Variants in RFTN1 observed in about 807,000 individuals in gnomAD.
RFTN1 encodes the protein raftlin.
Under a neutral mutation model 46.5 loss-of-function variants are expected in RFTN1, and 26 were observed. The ratio of observed to expected loss-of-function variants is 0.56; its 90% CI spans 0.41 to 0.78. RFTN1 has a LOEUF of 0.78. Ranked by LOEUF, RFTN1 falls within the 30% of genes least tolerant of loss-of-function variation. The pLI, the probability that RFTN1 is intolerant of heterozygous loss-of-function variation, is 0.00. For synonymous variants in RFTN1, 261 were observed against 284.2 expected (o/e 0.92, Z 0.82); for missense variants, 693 against 718.7 (o/e 0.96, Z 0.41).
intron 2 of RFTN1, among the ~76,000 whole-genome samples, chr3:16,441,299 TAAAAAAAAA>T (rs59877269): frequency 8.4e-5 from 4 of 47,554 alleles, no homozygotes; most frequent in Admixed American, 6.2e-4. Flanking sequence ...TTCCAAGAAC[TAAAAAAAAA>T]AAAAAAAAAA....
At position 16,439,616 on chromosome 3, in the gene RFTN1, C is replaced by G. The variant is rs559176337; in HGVS notation, c.146-5579G>C. ...ATATAACAATTGTTTTCAATGTTAA[C>G]TAAAAGAGTTCCCCCAAACCAGAGC... On this transcript the variant is annotated intron_variant, in intron 2 of 9. Coordinates refer to ENST00000334133, the MANE Select transcript of RFTN1 (RefSeq NM_015150.2). Among the ~76,000 whole-genome samples the G allele has an allele frequency of 2.7e-4, 41 of 152,270 alleles. No homozygotes were observed. The South Asian group carries it at 4.8e-3, about 18-fold the overall frequency.
chr3:16,324,326 T>C (rs527598261), intron 8 of RFTN1, among the ~76,000 whole-genome samples: 4 of 152,296 alleles, frequency 2.6e-5, no homozygotes, highest in African/African-American at 9.6e-5. Flanking sequence ...CTGTAAACTA[T>C]ACAAGGCATT....
Position 16,382,506 on chromosome 3 carries a change from C to T in RFTN1, c.442-4404G>A, listed in dbSNP as rs1338999861. ...GGTTCATCCCCGGCTGCCAGCTCTC[C>T]TCCACTCTACACTCCCCTTGGTGAC... On this transcript the variant is annotated intron_variant, in intron 4 of 9. Transcript: ENST00000334133. This position sits in a 1 kb window ranked among gnomAD's most constrained non-coding sequence, Gnocchi z 4.7. 1.3e-5 allele frequency among the ~76,000 whole-genome samples: 2 copies of T among 152,172 alleles called. No homozygotes were observed. Among genetic ancestry groups the T allele is most frequent in the Non-Finnish European group, 2.9e-5 (2 of 68,030 alleles).
chr3:16,410,814 A>G lies in RFTN1; in HGVS notation c.333-1331T>C, dbSNP rs201872141. On this transcript the variant is annotated intron_variant, in intron 3 of 9. Transcript: ENST00000334133. This position sits in a 1 kb window ranked among gnomAD's most constrained non-coding sequence, Gnocchi z 4.6. ...AAAACTGCACCCATTCAGGAGAGCC[A>G]GCAGCAAGTGGTCACCAGGAGGAAA... 9.2e-5 allele frequency among the ~76,000 whole-genome samples: 14 copies of G among 152,338 alleles called. No homozygotes were observed. The South Asian group carries it at 1.4e-3, about 16-fold the overall frequency.
In RFTN1 at chr3:16,320,406, C is replaced by T. The variant is rs187960306; in HGVS notation, c.1332+2970G>A. 1.6e-3 allele frequency among the ~76,000 whole-genome samples: 240 copies of T among 152,326 alleles called. 2 individuals are homozygous for T. Among genetic ancestry groups the T allele is most frequent in the Non-Finnish European group, 2.8e-3 (188 of 68,030 alleles). ...TTCTTAAGTTTTAATGCTAGACATACTATGTGTGTCCTCGCTAAGAAGCTG... is the reference window on the plus strand; with the variant it reads ...TTCTTAAGTTTTAATGCTAGACATATTATGTGTGTCCTCGCTAAGAAGCTG... On this transcript the variant is annotated intron_variant, in intron 9 of 9. Coordinates refer to ENST00000334133, the MANE Select transcript of RFTN1 (RefSeq NM_015150.2). The surrounding 1 kb of genome is among the most constrained non-coding windows in gnomAD (Gnocchi z 4.5).
chr3:16,326,686 AT>A, intron 8 of RFTN1, 86 bp downstream of exon 8: 1 of 975,262 alleles, frequency 1.0e-6, no homozygotes, highest in Middle Eastern at 2.1e-4. Context: ...GGATTAAATA[AT>A]TTATAGACGT....
At chr3:16,505,977 AGCACGCCT>A (rs2076797911) in intron 1 of RFTN1, among the ~76,000 whole-genome samples, 1 of 152,204 alleles carries the variant, frequency 6.6e-6, no homozygotes, top group South Asian at 2.1e-4. Context: ...ACAATAAAAG[AGCACGCCT>A]GCCCTCATGG....
At chr3:16,409,807 C>T (rs2074945463) in intron 3 of RFTN1, among the ~76,000 whole-genome samples, 2 of 151,844 alleles carry the variant, frequency 1.3e-5, no homozygotes, top group South Asian at 2.1e-4. Flanking sequence ...GCCTCAGCCT[C>T]CCCAGTAGCT....
rs1370319532 is a variant in RFTN1, at chr3:16,422,532, G to A, written c.332+11319C>T. Among the ~76,000 whole-genome samples the A allele has an allele frequency of 1.3e-5, 2 of 152,062 alleles. No homozygotes were observed. Among genetic ancestry groups the A allele is most frequent in the African/African-American group, 4.8e-5 (2 of 41,386 alleles). ...TGTAATCCCAGCTACTCAGGAGGCT[G>A]AGGCAGGAGAATCACTTGAACCCGG... On this transcript the variant is annotated intron_variant, in intron 3 of 9. Coordinates refer to ENST00000334133, the MANE Select transcript of RFTN1 (RefSeq NM_015150.2). This position sits in a 1 kb window ranked among gnomAD's most constrained non-coding sequence, Gnocchi z 4.6.
chr3:16,403,798 A>T (rs1488282738), intron 4 of RFTN1, among the ~76,000 whole-genome samples: 301 of 7,522 alleles, frequency 0.04, 38 homozygotes, highest in Non-Finnish European at 0.044. Flanking sequence ...TTTATATATA[A>T]TATATATTAT....
At position 16,429,476 on chromosome 3, in the gene RFTN1, T is replaced by G. The variant is rs1343209409; in HGVS notation, c.332+4375A>C. 6.6e-6 allele frequency among the ~76,000 whole-genome samples: 1 copy of G among 152,212 alleles called. No individual in the cohort carries two copies. Among genetic ancestry groups the G allele is most frequent in the Non-Finnish European group, 1.5e-5 (1 of 68,034 alleles). ...AAGCTGCCCCTCCAGAAACATTTCC[T>G]TGGTTTCCCTTCCAGTGAGAGGTGG... On this transcript the variant is annotated intron_variant, in intron 3 of 9. Transcript: ENST00000334133. This position sits in a 1 kb window ranked among gnomAD's most constrained non-coding sequence, Gnocchi z 6.4.
intron 7 of RFTN1, chr3:16,347,642 A>T (rs913991096): frequency 6.6e-6 from 1 of 152,272 alleles, no homozygotes; most frequent in Non-Finnish European, 1.5e-5. Context: ...CTCTGTGTGT[A>T]CACCACCTCC....
intron 4 of RFTN1, among the ~76,000 whole-genome samples, chr3:16,396,306 A>T (rs993425503): frequency 1.3e-5 from 2 of 152,274 alleles, no homozygotes; most frequent in African/African-American, 4.8e-5. Context: ...AATTTTTTTT[A>T]GAAACAGGAT....
In RFTN1 at chr3:16,335,777, A is replaced by T. The variant is rs1026098832; in HGVS notation, c.1147-8901T>A. ...TCCTGCACTTGCACCCTGGAACTTT[A>T]AAAAAAAAAAAAAAAAAAGGAGTTT... On this transcript the variant is annotated intron_variant, in intron 7 of 9. Transcript: ENST00000334133. The surrounding 1 kb of genome is among the most constrained non-coding windows in gnomAD (Gnocchi z 4.7). Among the ~76,000 whole-genome samples the T allele has an allele frequency of 3.2e-5, 2 of 61,808 alleles. No homozygotes were observed. Among genetic ancestry groups the T allele is most frequent in the South Asian group, 3.9e-4 (1 of 2,584 alleles). The allele number at this position is 61,808 out of a possible 152,430, so 40.5% of individuals were successfully genotyped here.
chr3:16,477,178 A>G (rs1029890571), intron 2 of RFTN1, among the ~76,000 whole-genome samples: 2 of 151,112 alleles, frequency 1.3e-5, no homozygotes, highest in African/African-American at 4.9e-5. Flanking sequence ...TAATGGGGAA[A>G]AAGGAGTAAA....
rs2075319653 is a variant in RFTN1, at chr3:16,428,140, A to T, written c.332+5711T>A. Among the ~76,000 whole-genome samples the T allele has an allele frequency of 6.6e-6, 1 of 152,226 alleles. No individual in the cohort carries two copies. Among genetic ancestry groups the T allele is most frequent in the South Asian group, 2.1e-4 (1 of 4,832 alleles). On this transcript the variant is annotated intron_variant, in intron 3 of 9. Transcript: ENST00000334133. This position sits in a 1 kb window ranked among gnomAD's most constrained non-coding sequence, Gnocchi z 4.7. ...CCTTAGAAAAATCCAAACAAAAGGG[A>T]TAAATGTTTACCACTTAAAACAGTG...
At chr3:16,332,793 A>G (rs1347094224) in intron 7 of RFTN1, among the ~76,000 whole-genome samples, 4 of 85,382 alleles carry the variant, frequency 4.7e-5, no homozygotes, top group Non-Finnish European at 1.0e-4. Context: ...CTCATCTTCT[A>G]CTTTATCTTC....
intron 4 of RFTN1, among the ~76,000 whole-genome samples, chr3:16,393,625 G>A (rs1161242831): frequency 2.0e-5 from 3 of 151,794 alleles, no homozygotes; most frequent in East Asian, 3.9e-4. Context: ...GCTACTTTGG[G>A]ACATTTATTG....
chr3:16,326,935 G>A, intron 7 of RFTN1, 59 bp from the exon 8 acceptor site: 2 of 1,296,160 alleles, frequency 1.5e-6, no homozygotes, highest in African/African-American at 1.5e-5. Flanking sequence ...CCCAGGCAAT[G>A]AGAGGGGACT....
Sources: gnomAD v4.1 joint callset for allele counts (sites outside exome capture counted in the v4.1 genomes callset) on GRCh38, gnomAD v4.1.1 for gene constraint, Gnocchi (gnomAD v3.1) non-coding constraint, MANE v1.5 for transcripts, NCBI Gene and HGNC (gene_info 2026-07-23, HGNC 2026-07-21) for gene names.